The following ERICH1 variants were observed in gnomAD, a reference collection of about 807,000 sequenced individuals.
ERICH1 encodes glutamate rich 1.
Under a neutral mutation model 39.6 loss-of-function variants are expected in ERICH1, and 56 were observed. The observed-to-expected ratio is 1.41, with a 90% CI of 1.14 to 1.77. The LOEUF (loss-of-function observed/expected upper bound fraction) is 1.77, where lower values mean the gene tolerates loss of function less well. Among genes scored for constraint, ERICH1 ranks in the 40% most tolerant of loss-of-function variants. ERICH1 has a pLI of 0.00. For missense variants in ERICH1, 826 were observed against 575.4 expected, an observed-to-expected ratio of 1.44 and a Z score of -4.45; for synonymous variants, 313 against 223.6, an observed-to-expected ratio of 1.40 and a Z score of -3.57.
chr8:627,319 C>T (rs1797647359), intron 3 of ERICH1: 3 of 422,598 alleles, frequency 7.1e-6, no homozygotes, highest in Admixed American at 2.4e-5. Flanking sequence ...AGACGAAGGG[C>T]TTGAGTGAAT....
At chr8:730,288 A>G (rs1819676091) in intron 1 of ERICH1, among the ~76,000 whole-genome samples, 1 of 152,220 alleles carries the variant, frequency 6.6e-6, no homozygotes, top group Non-Finnish European at 1.5e-5. Flanking sequence ...TTTTCTCCAC[A>G]TTCTGCCTCA....
chr8:629,319 AG>A (rs1447685828), intron 3 of ERICH1, among the ~76,000 whole-genome samples: 50 of 151,288 alleles, frequency 3.3e-4, no homozygotes, highest in African/African-American at 1.1e-3. Context: ...GACCACCCAC[AG>A]AGACAGAGCT....
At chr8:628,508 C>T (rs1797728342) in intron 3 of ERICH1, among the ~76,000 whole-genome samples, 1 of 152,254 alleles carries the variant, frequency 6.6e-6, no homozygotes, top group Non-Finnish European at 1.5e-5. Context: ...AGCTGGCGAC[C>T]TTGGCCAGGC....
intron 3 of ERICH1, among the ~76,000 whole-genome samples, chr8:640,214 A>G (rs1798832693): frequency 6.6e-6 from 1 of 152,212 alleles, no homozygotes; most frequent in Non-Finnish European, 1.5e-5. Context: ...GAAGGTCCTC[A>G]TGAAAAGGCA....
At chr8:649,906 G>A (rs1201348590) in intron 3 of ERICH1, among the ~76,000 whole-genome samples, 1 of 152,224 alleles carries the variant, frequency 6.6e-6, no homozygotes, top group African/African-American at 2.4e-5. Flanking sequence ...GGGAGGAGAC[G>A]TGACAGGACC....
intron 3 of ERICH1, among the ~76,000 whole-genome samples, chr8:634,094 A>G (rs1243817641): frequency 1.3e-5 from 2 of 151,084 alleles, no homozygotes; most frequent in African/African-American, 4.9e-5. Context: ...AGAGCACACA[A>G]TGGGGAAAAT....
intron 2 of ERICH1, among the ~76,000 whole-genome samples, chr8:698,662 T>G (rs985568973): frequency 1.3e-5 from 2 of 152,050 alleles, no homozygotes; most frequent in Non-Finnish European, 1.5e-5. Context: ...GTTGCACAGG[T>G]TAGAATGCAA....
At chr8:633,461 G>T (rs891318048) in intron 3 of ERICH1, among the ~76,000 whole-genome samples, 3 of 152,128 alleles carry the variant, frequency 2.0e-5, no homozygotes, top group Admixed American at 6.5e-5. Context: ...ATATTTATAG[G>T]GAGTTTTAAA....
intron 3 of ERICH1, among the ~76,000 whole-genome samples, chr8:652,654 G>A (rs1460255392): frequency 6.6e-6 from 1 of 152,136 alleles, no homozygotes; most frequent in Admixed American, 6.6e-5. Context: ...GAGCTTACAG[G>A]GTGTCTTCAT....
chr8:627,125 T>C (rs534424966), intron 3 of ERICH1: 2 of 456,250 alleles, frequency 4.4e-6, no homozygotes, highest in Admixed American at 2.3e-5. Flanking sequence ...GTCAAGGTCA[T>C]GGATATTGGG....
intron 2 of ERICH1, among the ~76,000 whole-genome samples, chr8:710,369 C>T (rs1041006425): frequency 2.7e-5 from 4 of 148,298 alleles, no homozygotes; most frequent in Admixed American, 6.7e-5. Context: ...TCGTACGGGG[C>T]GGTTTCACCG....
chr8:686,293 G>A (rs1807351326), intron 3 of ERICH1, among the ~76,000 whole-genome samples: 1 of 152,176 alleles, frequency 6.6e-6, no homozygotes, highest in Non-Finnish European at 1.5e-5. Context: ...GCTAAAAGCA[G>A]TGTAAGGATA....
intron 3 of ERICH1, among the ~76,000 whole-genome samples, chr8:618,819 T>A (rs1367722299): frequency 6.6e-6 from 1 of 151,100 alleles, no homozygotes; most frequent in East Asian, 1.9e-4. Flanking sequence ...TGAGACAAGG[T>A]CCCCCAAACG....
intron 3 of ERICH1, among the ~76,000 whole-genome samples, chr8:681,218 G>A (rs1358526972): frequency 1.3e-5 from 2 of 152,142 alleles, no homozygotes; most frequent in East Asian, 1.9e-4. Context: ...GCCCTGCAGC[G>A]CTGCCCAGCC....
intron 3 of ERICH1, among the ~76,000 whole-genome samples, chr8:658,590 G>A (rs950994115): frequency 2.6e-5 from 4 of 152,138 alleles, no homozygotes; most frequent in Non-Finnish European, 5.9e-5. Context: ...TGTTGATCCT[G>A]GCCCCCGATG....
intron 3 of ERICH1, among the ~76,000 whole-genome samples, chr8:634,527 C>T (rs73670347): frequency 0.029 from 4,433 of 152,302 alleles, 181 homozygotes; most frequent in African/African-American, 0.099. Context: ...ATGCTCAGGG[C>T]GGCCCCGTCG....
At chr8:706,827 G>C (rs902599437) in intron 2 of ERICH1, among the ~76,000 whole-genome samples, 1 of 152,124 alleles carries the variant, frequency 6.6e-6, no homozygotes, top group Non-Finnish European at 1.5e-5. Context: ...ACAAAAGATG[G>C]TTGAAAGAAA....
Position 665,830 on chromosome 8 carries a change from C to T in ERICH1, c.1259-1154G>A, listed in dbSNP as rs111689249. 4.1e-3 allele frequency among the ~76,000 whole-genome samples: 622 copies of T among 152,306 alleles called. 7 individuals are homozygous for T. Among genetic ancestry groups the T allele is most frequent in the African/African-American group, 0.014 (591 of 41,560 alleles). ...GGAGACGTGACCAGCAGAAAACACC[C>T]ACACCTGCTTCTCAAATGTGATCTC... On this transcript the variant is annotated intron_variant, in intron 5 of 5. Coordinates refer to ENST00000262109, the MANE Select transcript of ERICH1 (RefSeq NM_207332.3).
chr8:717,782 G>A (rs985216368), intron 1 of ERICH1, among the ~76,000 whole-genome samples: 1 of 152,242 alleles, frequency 6.6e-6, no homozygotes, highest in African/African-American at 2.4e-5. Flanking sequence ...CGAGTGTCTG[G>A]AGCCAGGAAA....
Sources: gnomAD v4.1 joint callset for allele counts (sites outside exome capture counted in the v4.1 genomes callset) on GRCh38, gnomAD v4.1.1 for gene constraint, MANE v1.5 for transcripts, NCBI Gene and HGNC (gene_info 2026-07-23, HGNC 2026-07-21) for gene names.